DLG2: variants seen among roughly 807,000 people sequenced by gnomAD.
The protein encoded by DLG2 is discs large MAGUK scaffold protein 2, also known as disks large homolog 2.
A neutral mutation model predicts 132.5 loss-of-function variants in DLG2; 45 were observed. The observed-to-expected ratio is 0.34, with a 90% CI of 0.27 to 0.44. The LOEUF (loss-of-function observed/expected upper bound fraction) is 0.44. Ranked by LOEUF, DLG2 falls within the 20% of genes least tolerant of loss-of-function variation. The pLI is 1.00. For synonymous variants in DLG2, 424 were observed against 419.6 expected, an observed-to-expected ratio of 1.01 and a Z score of -0.13; for missense variants, 1,045 against 1,196.9, an observed-to-expected ratio of 0.87 and a Z score of 1.87.
intron 6 of DLG2, among the ~76,000 whole-genome samples, chr11:84,761,289 C>T (rs906973333): frequency 6.6e-6 from 1 of 152,206 alleles, no homozygotes; most frequent in Admixed American, 6.5e-5. Flanking sequence ...AAACCTGTAA[C>T]ATTTGGTAAT....
intron 7 of DLG2, among the ~76,000 whole-genome samples, chr11:84,260,271 T>A (rs1279777752): frequency 6.6e-6 from 1 of 152,136 alleles, no homozygotes; most frequent in Non-Finnish European, 1.5e-5. Flanking sequence ...ATGTGCCCCA[T>A]GCCAAACAGA....
intron 17 of DLG2, among the ~76,000 whole-genome samples, chr11:83,827,127 G>A (rs1233348180): frequency 6.6e-6 from 1 of 152,114 alleles, no homozygotes; most frequent in Non-Finnish European, 1.5e-5. Context: ...GAAGGGATGA[G>A]GTCTGGCGGC....
chr11:84,025,202 G>GCGC (rs2095506122), intron 11 of DLG2, among the ~76,000 whole-genome samples: 2 of 152,074 alleles, frequency 1.3e-5, no homozygotes, highest in Non-Finnish European at 2.9e-5. Flanking sequence ...AATGGACTCA[G>GCGC]TGCTACATGG....
intron 3 of DLG2, chr11:85,286,081 A>G (rs907723959): frequency 6.7e-6 from 3 of 445,094 alleles, no homozygotes. Context: ...TCAACAGGAA[A>G]AAAAAAGTAC....
chr11:85,609,983 C>G (rs1311928770), intron 2 of DLG2, among the ~76,000 whole-genome samples: 2 of 152,130 alleles, frequency 1.3e-5, no homozygotes, highest in Non-Finnish European at 2.9e-5. Context: ...GATATATTAG[C>G]CAAAGCTGGA....
chr11:83,790,471 T>A (rs2041234793), intron 17 of DLG2: 2 of 1,211,672 alleles, frequency 1.7e-6, no homozygotes, highest in Admixed American at 3.4e-5. Context: ...GTAAGGCTTG[T>A]CACTACCATG....
At chr11:84,992,460 C>T (rs2057223414) in intron 6 of DLG2, among the ~76,000 whole-genome samples, 1 of 152,140 alleles carries the variant, frequency 6.6e-6, no homozygotes, top group Non-Finnish European at 1.5e-5. Flanking sequence ...TTAATTCCTT[C>T]CATCCTTCTC....
chr11:85,421,383 C>A (rs2090295559), intron 3 of DLG2, among the ~76,000 whole-genome samples: 1 of 151,818 alleles, frequency 6.6e-6, no homozygotes, highest in Non-Finnish European at 1.5e-5. Context: ...CGGAGCTGTT[C>A]CTATTCGGCC....
intron 7 of DLG2, among the ~76,000 whole-genome samples, chr11:84,382,931 A>G (rs1335365192): frequency 6.6e-6 from 1 of 151,468 alleles, no homozygotes; most frequent in Non-Finnish European, 1.5e-5. Flanking sequence ...AGTCTTCCAT[A>G]TGACTCTAGG....
chr11:85,238,694 A>C (rs1412486365), intron 4 of DLG2, among the ~76,000 whole-genome samples: 1 of 152,070 alleles, frequency 6.6e-6, no homozygotes. Flanking sequence ...TAGAGTCTTT[A>C]GGTATGGCTT....
intron 19 of DLG2, among the ~76,000 whole-genome samples, chr11:83,625,456 A>G (rs2062354361): frequency 6.6e-6 from 1 of 152,192 alleles, no homozygotes; most frequent in African/African-American, 2.4e-5. Context: ...AAAATAAATG[A>G]CCAGAGTGTC....
At chr11:85,416,134 T>G (rs2089821501) in intron 3 of DLG2, among the ~76,000 whole-genome samples, 1 of 152,228 alleles carries the variant, frequency 6.6e-6, no homozygotes, top group African/African-American at 2.4e-5. Flanking sequence ...AGGGAATCCT[T>G]TCCCCATTGG....
At chr11:84,560,476 A>G (rs2099424471) in intron 6 of DLG2, among the ~76,000 whole-genome samples, 2 of 152,106 alleles carry the variant, frequency 1.3e-5, no homozygotes, top group Admixed American at 6.6e-5. Context: ...TATTCAGAAT[A>G]ATGCTTCATC....
chr11:84,561,391 A>C (rs76254855), intron 6 of DLG2, among the ~76,000 whole-genome samples: 9,459 of 152,090 alleles, frequency 0.062, 360 homozygotes, highest in South Asian at 0.1. Flanking sequence ...CTCTCTTTTA[A>C]GACTCATATT....
At chr11:85,560,020 A>T (rs897822322) in intron 3 of DLG2, among the ~76,000 whole-genome samples, 1 of 151,870 alleles carries the variant, frequency 6.6e-6, no homozygotes, top group Admixed American at 6.6e-5. Context: ...ATTATAAATA[A>T]ATTAAAACCA....
chr11:85,206,225 C>T (rs1404869704), intron 4 of DLG2, among the ~76,000 whole-genome samples: 1 of 152,170 alleles, frequency 6.6e-6, no homozygotes, highest in Non-Finnish European at 1.5e-5. Flanking sequence ...TTTCCCAGAA[C>T]CAGGTGCCAG....
chr11:85,162,131 G>A (rs2078078943), intron 4 of DLG2, among the ~76,000 whole-genome samples: 1 of 152,180 alleles, frequency 6.6e-6, no homozygotes, highest in South Asian at 2.1e-4. Flanking sequence ...GGCTAAGAAG[G>A]GAGTTATAGT....
At chr11:83,885,192 A>C (rs965452406) in intron 15 of DLG2, among the ~76,000 whole-genome samples, 2 of 152,200 alleles carry the variant, frequency 1.3e-5, no homozygotes, top group Non-Finnish European at 2.9e-5. Flanking sequence ...GAAGGTAAAA[A>C]CTTTGAAAAA....
Position 84,159,043 on chromosome 11 carries a change from C to T in DLG2, c.624+4418G>A, listed in dbSNP as rs74802173. ...AGTATGTAGTTCAAGGTCACTTGAC[C>T]AGAAAGTGCTAGAGCCAGAATTCAA... On this transcript the variant is annotated intron_variant, in intron 9 of 27. Coordinates refer to ENST00000376104, the MANE Select transcript of DLG2 (RefSeq NM_001142699.3). Among the ~76,000 whole-genome samples the T allele has an allele frequency of 2.0e-3, 302 of 152,222 alleles. 2 individuals are homozygous for T. The highest frequency in any genetic ancestry group is 7.1e-3 in the African/African-American group (296 of 41,552).
Sources: allele counts gnomAD v4.1 joint callset (sites outside exome capture counted in the v4.1 genomes callset), GRCh38; gene constraint gnomAD v4.1.1; transcripts MANE v1.5; gene names NCBI Gene and HGNC (gene_info 2026-07-23, HGNC 2026-07-21).